Variants in AFDN observed in about 807,000 individuals in gnomAD.
The protein encoded by AFDN is afadin.
In AFDN, 68 loss-of-function variants were observed where a neutral mutation model predicts 216.6. The ratio of observed to expected loss-of-function variants is 0.31; its 90% CI spans 0.26 to 0.38. The LOEUF (loss-of-function observed/expected upper bound fraction) is 0.38, where lower values mean the gene tolerates loss of function less well. AFDN is among the 10% of genes least tolerant of loss of function. The pLI, the probability that AFDN is intolerant of heterozygous loss-of-function variation, is 1.00. For synonymous variants in AFDN, 868 were observed against 853.7 expected, an observed-to-expected ratio of 1.02 and a Z score of -0.29; for missense variants, 2,136 against 2,342.0, an observed-to-expected ratio of 0.91 and a Z score of 1.82.
At chr6:167,841,183 C>G (rs145747704) in intron 1 of AFDN, among the ~76,000 whole-genome samples, 1,556 of 152,212 alleles carry the variant, frequency 0.01, 30 homozygotes, top group African/African-American at 0.036. Flanking sequence ...TAACCAGAAT[C>G]AAAAATGTCA....
rs369029860 is a variant in AFDN, at chr6:167,880,347, A to G, written c.740-13A>G. The stretch of plus-strand genomic sequence containing the variant: ...AGTAAGTTGTACTCAAAGATGTCAA[A>G]ATGTTTTTTCAGGTGGAACATTGAG... On this transcript the variant is annotated splice_polypyrimidine_tract_variant and intron_variant, in intron 5 of 33. Coordinates refer to ENST00000683244, the MANE Select transcript of AFDN (RefSeq NM_001386888.1). The G allele has an allele frequency of 6.2e-7, 1 of 1,608,762 alleles. No homozygotes were observed. Among genetic ancestry groups the G allele is most frequent in the African/African-American group, 1.3e-5 (1 of 74,782 alleles).
intron 30 of AFDN, chr6:167,954,311 A>T: frequency 3.8e-6 from 2 of 521,356 alleles, no homozygotes; most frequent in Non-Finnish European, 6.5e-6. Context: ...GTTAGTCTGT[A>T]GTTCTTTACC....
At chr6:167,913,741 G>C (rs1183318872) in intron 16 of AFDN, 4 of 453,000 alleles carry the variant, frequency 8.8e-6, no homozygotes, top group Middle Eastern at 5.7e-4. Context: ...GAGAGGATGT[G>C]ATAGATCAGT....
intron 4 of AFDN, among the ~76,000 whole-genome samples, chr6:167,873,557 G>C (rs1366082558): frequency 6.6e-6 from 1 of 152,050 alleles, no homozygotes; most frequent in African/African-American, 2.4e-5. Flanking sequence ...TTTTCTTAGG[G>C]TGCATTCTAG....
chr6:167,926,512 A>G (rs1792552835), intron 23 of AFDN, among the ~76,000 whole-genome samples: 1 of 152,222 alleles, frequency 6.6e-6, no homozygotes, highest in Non-Finnish European at 1.5e-5. Flanking sequence ...GCACAATCAC[A>G]GCTTTGAACT....
rs1269830040 is a variant in AFDN, at chr6:167,862,380, G to GT, written c.106-2171_106-2170insT. Among the ~76,000 whole-genome samples the GT allele has an allele frequency of 9.6e-3, 1,416 of 148,048 alleles. 12 individuals carry two copies. The highest frequency in any genetic ancestry group is 0.031 in the African/African-American group (1,269 of 41,018). Reference sequence around the variant, plus strand: ...CATGCATTTTTAGTTATAAAGGTTTGGTTTTTTTTTTTTTAGATGAAGTCT... The same window carrying GT: ...CATGCATTTTTAGTTATAAAGGTTTGTGTTTTTTTTTTTTTAGATGAAGTCT... On this transcript the variant is annotated intron_variant, in intron 1 of 33. Coordinates refer to ENST00000683244, the MANE Select transcript of AFDN (RefSeq NM_001386888.1).
rs755412854 is a variant in AFDN, at chr6:167,969,922, T to C, written c.5483T>C (p.Leu1828Pro). ...SRKLTELENE[L>P]NTK The stretch of plus-strand genomic sequence containing the variant: ...AAATTAACAGAACTGGAGAATGAAC[T>C]GAACACAAAGTGAAAGAAAATGAGG... Residue 1828 changes from leucine to proline, a missense_variant, in exon 34 of 34, where the codon CTG becomes CCG. By Grantham distance (98) the Leu-to-Pro change is moderately conservative (BLOSUM62 -3). Around this residue, in one of 8 missense-constraint regions of AFDN, gnomAD observed 981 missense variants for 966.0 expected, o/e 1.02. Coordinates refer to ENST00000683244, the MANE Select transcript of AFDN (RefSeq NM_001386888.1). 1.9e-6 allele frequency: 3 copies of C among 1,608,624 alleles called. No individual in the cohort carries two copies. The highest frequency in any genetic ancestry group is 2.2e-5 in the South Asian group (2 of 89,332).
intron 12 of AFDN, among the ~76,000 whole-genome samples, chr6:167,906,015 A>G (rs1308298015): frequency 6.6e-6 from 1 of 152,176 alleles, no homozygotes; most frequent in Non-Finnish European, 1.5e-5. Context: ...AGGCAGGAGA[A>G]TGGCGTGAAC....
chr6:167,886,380 A>G (rs1786812327), intron 6 of AFDN, among the ~76,000 whole-genome samples: 1 of 152,224 alleles, frequency 6.6e-6, no homozygotes, highest in Non-Finnish European at 1.5e-5. Context: ...GTCATGAACT[A>G]GAGTTCTGCC....
chr6:167,865,797 CTT>C (rs75509310), intron 2 of AFDN, among the ~76,000 whole-genome samples: 34 of 141,498 alleles, frequency 2.4e-4, no homozygotes, highest in Non-Finnish European at 2.6e-4. Flanking sequence ...TTTTTTGAAC[CTT>C]TTTTTTTTTT....
intron 32 of AFDN, chr6:167,966,357 G>A: frequency 1.7e-6 from 2 of 1,189,400 alleles, no homozygotes; most frequent in Non-Finnish European, 2.2e-6. Flanking sequence ...CTGTAGTATG[G>A]TCCATGGCGA....
At chr6:167,894,721 TGAG>T (rs1167597531) in intron 9 of AFDN, among the ~76,000 whole-genome samples, 2 of 152,270 alleles carry the variant, frequency 1.3e-5, no homozygotes, top group East Asian at 1.9e-4. Flanking sequence ...CATGGTGAGG[TGAG>T]GAGAAGGGAG....
chr6:167,962,700 C>G lies in AFDN; in HGVS notation c.4968+133C>G. 1 of 1,543,290 alleles carries G rather than the reference C, an allele frequency of 6.5e-7. No homozygotes were observed. The highest frequency in any genetic ancestry group is 2.3e-5 in the East Asian group (1 of 44,230). On this transcript the variant is annotated intron_variant, in intron 31 of 33. Transcript: ENST00000683244. The surrounding 1 kb of genome is among the most constrained non-coding windows in gnomAD (Gnocchi z 5.2). ...GCAGAGCAGGGCCTGGCTCCCCCAG[C>G]TTTGTGATTGGACCTGCAACTTTAC...
chr6:167,970,974 C>G lies in AFDN; in HGVS notation c.*1039C>G, dbSNP rs1047001663. 9.3e-6 allele frequency: 2 copies of G among 214,102 alleles called. No individual in the cohort carries two copies. The highest frequency in any genetic ancestry group is 5.9e-5 in the Admixed American group (1 of 17,042). The allele number at this position is 214,102 out of a possible 1,614,324, so 13.3% of individuals were successfully genotyped here. On this transcript the variant is annotated 3_prime_UTR_variant, in exon 34 of 34. Transcript: ENST00000683244. ...TGTAAGAATAACTCATATGGAAGTT[C>G]AAGCTATTTTTATACTATAATAGAG...
intron 5 of AFDN, among the ~76,000 whole-genome samples, chr6:167,878,441 TC>T (rs780631336): frequency 6.6e-6 from 1 of 151,910 alleles, no homozygotes; most frequent in Non-Finnish European, 1.5e-5. Context: ...TGGACTCCAC[TC>T]CTGTTGCTAA....
upstream of AFDN, chr6:167,826,837 C>CACGGCGGCGGGCGGCGGCGCGCACG (rs1554272976): frequency 7.2e-6 from 1 of 139,634 alleles, no homozygotes; most frequent in Non-Finnish European, 1.6e-5. Context: ...CGGCGGCGCG[C>CACGGCGGCGGGCGGCGGCGCGCACG]ACGGCGGGCG....
At chr6:167,904,156 A>T (rs560757586) in intron 12 of AFDN, among the ~76,000 whole-genome samples, 1 of 151,722 alleles carries the variant, frequency 6.6e-6, no homozygotes, top group East Asian at 1.9e-4. Flanking sequence ...AATGTTAATT[A>T]TCCACTAATG....
intron 23 of AFDN, among the ~76,000 whole-genome samples, chr6:167,927,982 A>G (rs1042727705): frequency 1.3e-5 from 2 of 152,218 alleles, no homozygotes; most frequent in Non-Finnish European, 2.9e-5. Flanking sequence ...ATTTTCTGTT[A>G]TGTTCATCCT....
rs1795956459 is a variant in AFDN at position 167,951,394 on chromosome 6, C to G, written c.4040C>G (p.Pro1347Arg). The change falls in exon 30 of 34, where the codon CCT becomes CGT. Residue 1347 changes from proline (P) to arginine (R), a missense_variant. Coordinates refer to ENST00000683244, the MANE Select transcript of AFDN (RefSeq NM_001386888.1). This position sits in a 1 kb window ranked among gnomAD's most constrained non-coding sequence, Gnocchi z 7.1. ...TPASTLTKSG[P>R]GRWKTPAAIP... is the part of the protein sequence containing the mutation. ...GCTTCCACACTGACCAAAAGTGGCCCTGGCCGTTGGAAAACACCAGCAGCC... is the reference window on the plus strand; with the variant it reads ...GCTTCCACACTGACCAAAAGTGGCCGTGGCCGTTGGAAAACACCAGCAGCC... 1 of 1,614,020 alleles carries G rather than the reference C, an allele frequency of 6.2e-7. No individual in the cohort carries two copies. Among genetic ancestry groups the G allele is most frequent in the African/African-American group, 1.3e-5 (1 of 74,938 alleles).
Sources: allele counts gnomAD v4.1 joint callset (sites outside exome capture counted in the v4.1 genomes callset), GRCh38; gene constraint gnomAD v4.1.1; regional missense constraint gnomAD v4.1.1; non-coding constraint Gnocchi (gnomAD v3.1); transcripts MANE v1.5; gene names NCBI Gene and HGNC (gene_info 2026-07-23, HGNC 2026-07-21).